The following ZNF283 variants were observed in gnomAD, a reference collection of about 807,000 sequenced individuals.
The protein encoded by ZNF283 is zinc finger protein 41.
A neutral mutation model predicts 9.2 loss-of-function variants in ZNF283; 10 were observed. The ratio of observed to expected loss-of-function variants is 1.09; its 90% CI spans 0.67 to 1.85. ZNF283 has a LOEUF of 1.85. Among genes scored for constraint, ZNF283 ranks in the 40% most tolerant of loss-of-function variants. The pLI, the probability that ZNF283 is intolerant of heterozygous loss-of-function variation, is 0.00. For synonymous variants in ZNF283, 234 were observed against 244.1 expected (o/e 0.96, Z 0.38); for missense variants, 631 against 760.1 (o/e 0.83, Z 2.00).
In ZNF283 at chr19:43,847,005, T is replaced by C; in HGVS notation, c.404T>C (p.Phe135Ser). 1 of 1,570,178 alleles carries C rather than the reference T, an allele frequency of 6.4e-7. No individual in the cohort carries two copies. The highest frequency in any genetic ancestry group is 1.2e-5 in the South Asian group (1 of 86,164). The change falls in exon 7 of 7, where the codon TTT becomes TCT. Residue 135 changes from phenylalanine to serine, a missense_variant. By Grantham distance (155) the Phe-to-Ser change is radical. Around this residue, in one of 3 missense-constraint regions of ZNF283, gnomAD observed 184 missense variants for 220.0 expected, o/e 0.84. Transcript: ENST00000618787. ...FSENDIFEIN[F>S]SQWEMKDKSK... Reference sequence around the variant, plus strand: ...GAAAATGATATTTTTGAAATAAATTTTTCCCAGTGGGAGATGAAGGACAAA... The same window carrying C: ...GAAAATGATATTTTTGAAATAAATTCTTCCCAGTGGGAGATGAAGGACAAA...
intron 2 of ZNF283, among the ~76,000 whole-genome samples, chr19:43,830,077 T>C (rs73052639): frequency 0.32 from 49,147 of 151,846 alleles, 9,161 homozygotes; most frequent in South Asian, 0.56. Context: ...AGGAACACTT[T>C]TTTTGTTTGT....
At chr19:43,835,478 G>T (rs1485765223) in intron 4 of ZNF283, 27 bp from the exon 5 acceptor site, 28 of 1,532,848 alleles carry the variant, frequency 1.8e-5, no homozygotes, top group Non-Finnish European at 2.2e-5. Context: ...GGCACACCTG[G>T]TTTAACGCTT....
At chr19:43,845,203 G>T (rs1971358634) in intron 6 of ZNF283, among the ~76,000 whole-genome samples, 2 of 152,006 alleles carry the variant, frequency 1.3e-5, no homozygotes, top group Admixed American at 6.6e-5. Context: ...TATACCTGGG[G>T]TTATATAAAC....
chr19:43,847,122 A>T lies in ZNF283; in HGVS notation c.521A>T (p.Tyr174Phe). 1.2e-6 allele frequency: 2 copies of T among 1,613,478 alleles called. No individual in the cohort carries two copies. Among genetic ancestry groups the T allele is most frequent in the Non-Finnish European group, 1.7e-6 (2 of 1,179,604 alleles). Residue 174 changes from tyrosine (Y) to phenylalanine (F), a missense_variant, in exon 7 of 7, where the codon TAC (tyrosine) becomes TTC (phenylalanine). Tyr to Phe is a conservative substitution (Grantham distance 22, BLOSUM62 3). Transcript: ENST00000618787. The part of the protein sequence containing the change: ...FEGLKGHQEG[Y>F]FSQMIISYEK... Reference sequence around the variant, plus strand: ...GGACTAAAAGGACATCAAGAGGGATACTTCAGTCAAATGATAATCAGCTAT... The same window carrying T: ...GGACTAAAAGGACATCAAGAGGGATTCTTCAGTCAAATGATAATCAGCTAT...
chr19:43,838,711 T>A (rs1971081757), intron 6 of ZNF283, among the ~76,000 whole-genome samples: 1 of 152,210 alleles, frequency 6.6e-6, no homozygotes, highest in Admixed American at 6.5e-5. Context: ...TATATTCTGT[T>A]TTTTTTCTGT....
At chr19:43,838,467 A>T (rs1971069047) in intron 6 of ZNF283, among the ~76,000 whole-genome samples, 1 of 152,128 alleles carries the variant, frequency 6.6e-6, no homozygotes, top group African/African-American at 2.4e-5. Context: ...CTCTACAAAA[A>T]ATACAAAAAT....
chr19:43,848,531 C>A lies in ZNF283; in HGVS notation c.1930C>A (p.His644Asn). The change falls in exon 7 of 7, where the codon CAT becomes AAT. Residue 644 changes from histidine to asparagine, a missense_variant. This residue lies in a region of ZNF283 where 444 missense variants were observed against 522.5 expected (regional missense o/e 0.85). Transcript: ENST00000618787. ...CTTTACTTGTGGCTCAAAACTTGTT[C>A]ATGAGAGAACTCATAGTAATGATAA... ...KTFTCGSKLVHERTHSNDKPY... is the reference protein window; with the variant it reads ...KTFTCGSKLVNERTHSNDKPY... 1 of 1,612,724 alleles carries A rather than the reference C, an allele frequency of 6.2e-7. No homozygotes were observed. Among genetic ancestry groups the A allele is most frequent in the East Asian group, 2.2e-5 (1 of 44,852 alleles).
chr19:43,835,718 T>C (rs1352947636), intron 5 of ZNF283, 126 bp downstream of exon 5: 1 of 683,648 alleles, frequency 1.5e-6, no homozygotes, highest in Non-Finnish European at 2.5e-6. Context: ...ATAAGGACTT[T>C]GGGGTTGCTT....
intron 3 of ZNF283, among the ~76,000 whole-genome samples, chr19:43,832,605 G>A (rs1342354128): frequency 3.3e-5 from 5 of 152,178 alleles, no homozygotes; most frequent in South Asian, 2.1e-4. Flanking sequence ...TTGAGTTCAC[G>A]TTATAAGAAA....
At chr19:43,832,952 C>T (rs1347384121) in intron 3 of ZNF283, among the ~76,000 whole-genome samples, 1 of 147,250 alleles carries the variant, frequency 6.8e-6, no homozygotes, top group East Asian at 2.0e-4. Flanking sequence ...CACTTGAGCC[C>T]AGGAGGTTGA....
intron 6 of ZNF283, among the ~76,000 whole-genome samples, chr19:43,843,710 G>A (rs1971302428): frequency 6.6e-6 from 1 of 152,166 alleles, no homozygotes; most frequent in Non-Finnish European, 1.5e-5. Flanking sequence ...AATGACCAGT[G>A]TATGATGTTA....
rs201939022 is a variant in ZNF283, at chr19:43,848,505, C to T, written c.1904C>T (p.Thr635Ile). 1.6e-5 allele frequency: 26 copies of T among 1,613,296 alleles called. No individual in the cohort carries two copies. The highest frequency in any genetic ancestry group is 1.6e-4 in the Middle Eastern group (1 of 6,084). ...KLYQRKEFGK[T>I]FTCGSKLVHE... ...TATCAACGTAAGGAATTCGGGAAGACCTTTACTTGTGGCTCAAAACTTGTT... is the reference window on the plus strand; with the variant it reads ...TATCAACGTAAGGAATTCGGGAAGATCTTTACTTGTGGCTCAAAACTTGTT... Residue 635 changes from threonine to isoleucine, a missense_variant, in exon 7 of 7, where the codon ACC (threonine) becomes ATC (isoleucine). Physicochemically the swap from Thr to Ile is moderately conservative, Grantham distance 89. Around this residue, in one of 3 missense-constraint regions of ZNF283, gnomAD observed 444 missense variants for 522.5 expected, o/e 0.85. Transcript: ENST00000618787.
chr19:43,851,730 T>C lies in ZNF283; in HGVS notation c.*3089T>C, dbSNP rs903315532. 7.2e-5 allele frequency: 11 copies of C among 152,052 alleles called. No individual in the cohort carries two copies. The highest frequency in any genetic ancestry group is 2.2e-4 in the African/African-American group (9 of 41,396). The allele number at this position is 152,052 out of a possible 1,614,324, so 9.4% of individuals were successfully genotyped here. ...AGACTCCGTCTCAAAAAAATAAAAA[T>C]AAAAAAAGACTAAGGAGTATTCTAG... On this transcript the variant is annotated 3_prime_UTR_variant, in exon 7 of 7. Coordinates refer to ENST00000618787, the MANE Select transcript of ZNF283 (RefSeq NM_181845.2).
chr19:43,840,320 T>C (rs173238), intron 6 of ZNF283, among the ~76,000 whole-genome samples: 113,815 of 152,064 alleles, frequency 0.75, 43,473 homozygotes, highest in African/African-American at 0.83. Context: ...TCAAGGCAGT[T>C]ATCTGTGCTG....
intron 6 of ZNF283, among the ~76,000 whole-genome samples, chr19:43,838,499 C>T (rs750907721): frequency 2.4e-4 from 37 of 151,984 alleles, no homozygotes; most frequent in Non-Finnish European, 2.5e-4. Flanking sequence ...TGTGGTGGTG[C>T]GCTCCTTTAG....
At chr19:43,841,711 G>T (rs1971221738) in intron 6 of ZNF283, among the ~76,000 whole-genome samples, 1 of 152,092 alleles carries the variant, frequency 6.6e-6, no homozygotes, top group Non-Finnish European at 1.5e-5. Flanking sequence ...GGGATTACAG[G>T]CATGAGCCAC....
rs200156604 is a variant in ZNF283, at chr19:43,847,280, A to G, written c.679A>G (p.Arg227Gly). ...TGGCTCAAAACTTGTTCAACATGAG[A>G]GAACTCATACAGCTGAAAAACACTT... is the stretch of plus-strand genomic sequence containing the variant. Reference protein sequence around the residue: ...SHGSKLVQHERTHTAEKHFEC... With the variant: ...SHGSKLVQHEGTHTAEKHFEC... The change falls in exon 7 of 7, where the codon AGA (arginine) becomes GGA (glycine). Residue 227 changes from arginine to glycine, a missense_variant. By Grantham distance (125) the Arg-to-Gly change is moderately radical. This residue lies in a region of ZNF283 where 184 missense variants were observed against 220.0 expected (regional missense o/e 0.84). Coordinates refer to ENST00000618787, the MANE Select transcript of ZNF283 (RefSeq NM_181845.2). The G allele has an allele frequency of 2.5e-4, 397 of 1,613,798 alleles. 1 individual carries two copies. The highest frequency in any genetic ancestry group is 6.6e-4 in the Middle Eastern group (4 of 6,084).
Position 43,850,086 on chromosome 19 carries a change from T to C in ZNF283, c.*1445T>C, listed in dbSNP as rs1549957. On this transcript the variant is annotated 3_prime_UTR_variant, in exon 7 of 7. Coordinates refer to ENST00000618787, the MANE Select transcript of ZNF283 (RefSeq NM_181845.2). ...GCTAAAAAAATGAGACTTGAAAAAA[T>C]CCAGACTTTTGAAGAGTTTAGGAAA... 0.4 allele frequency: 61,535 copies of C among 151,972 alleles called. 12,883 individuals are homozygous for C. Among genetic ancestry groups the C allele is most frequent in the South Asian group, 0.55 (2,655 of 4,814 alleles). The allele number at this position is 151,972 out of a possible 1,614,324, so 9.4% of individuals were successfully genotyped here. A position where few individuals can be genotyped will look rare whatever the true frequency, so the allele number is the denominator to read the frequency against.
In ZNF283 at chr19:43,847,244, G is replaced by A; in HGVS notation, c.643G>A (p.Ala215Thr). 1 of 1,613,804 alleles carries A rather than the reference G, an allele frequency of 6.2e-7. No homozygotes were observed. The highest frequency in any genetic ancestry group is 8.5e-7 in the Non-Finnish European group (1 of 1,179,796). The change falls in exon 7 of 7, where the codon GCT becomes ACT. Residue 215 changes from alanine (A) to threonine (T), a missense_variant. Ala to Thr is a moderately conservative substitution (Grantham distance 58, BLOSUM62 0). Coordinates refer to ENST00000618787, the MANE Select transcript of ZNF283 (RefSeq NM_181845.2). ...CTATGTTTGTAAGGAATGTGGGAAGGCTTGCAGTCATGGCTCAAAACTTGT... is the reference window on the plus strand; with the variant it reads ...CTATGTTTGTAAGGAATGTGGGAAGACTTGCAGTCATGGCTCAAAACTTGT... ...KSYVCKECGK[A>T]CSHGSKLVQH...
Sources: gnomAD v4.1 joint callset for allele counts (sites outside exome capture counted in the v4.1 genomes callset) on GRCh38, gnomAD v4.1.1 for gene constraint, gnomAD v4.1.1 regional missense constraint, MANE v1.5 for transcripts, NCBI Gene and HGNC (gene_info 2026-07-23, HGNC 2026-07-21) for gene names.